The following STK32A variants were observed in gnomAD, a reference collection of about 807,000 sequenced individuals.
STK32A encodes the protein serine/threonine-protein kinase 32A.
Under a neutral mutation model 53.2 loss-of-function variants are expected in STK32A, and 41 were observed. The ratio of observed to expected loss-of-function variants is 0.77; its 90% CI spans 0.60 to 1.00. The LOEUF (loss-of-function observed/expected upper bound fraction) is 1.00. STK32A is among the 50% of genes least tolerant of loss of function. The pLI is 0.00. For synonymous variants in STK32A, 166 were observed against 162.8 expected (o/e 1.02, Z -0.15); for missense variants, 458 against 485.8 (o/e 0.94, Z 0.54).
At chr5:147,316,955 C>A (rs6866270) in intron 4 of STK32A, among the ~76,000 whole-genome samples, 1,631 of 150,016 alleles carry the variant, frequency 0.011, 32 homozygotes, top group African/African-American at 0.036. Flanking sequence ...AAGCAAGTTT[C>A]TCTGTATAAA....
rs1261511426 is a variant in STK32A, at chr5:147,383,391, C to T, written c.1033-50C>T. 8 of 1,477,796 alleles carry T rather than the reference C, an allele frequency of 5.4e-6. No individual in the cohort carries two copies. The South Asian group carries it at 9.7e-5, about 18-fold the overall frequency. 91.5% of individuals were successfully genotyped at this position (1,477,796 alleles called of 1,614,324 possible). A position where few individuals can be genotyped will look rare whatever the true frequency, so the allele number is the denominator to read the frequency against. ...AGGTTATTGGCTGTTTGAAGATTCTCATTTGTCTGCTAACTATACCTCTAT... is the reference window on the plus strand; with the variant it reads ...AGGTTATTGGCTGTTTGAAGATTCTTATTTGTCTGCTAACTATACCTCTAT... On this transcript the variant is annotated intron_variant, in intron 11 of 12. Coordinates refer to ENST00000397936, the MANE Select transcript of STK32A (RefSeq NM_001112724.2).
chr5:147,251,239 A>T (rs1452245773), intron 2 of STK32A, among the ~76,000 whole-genome samples: 1 of 152,166 alleles, frequency 6.6e-6, no homozygotes, highest in Non-Finnish European at 1.5e-5. Flanking sequence ...CTGTCTCCAA[A>T]TTCTAACTGT....
intron 8 of STK32A, among the ~76,000 whole-genome samples, chr5:147,363,592 A>G (rs1756611987): frequency 6.6e-6 from 1 of 152,198 alleles, no homozygotes; most frequent in African/African-American, 2.4e-5. Context: ...GAAGGATAGC[A>G]CATGTTCACA....
chr5:147,334,526 A>G (rs1453964720), intron 5 of STK32A, among the ~76,000 whole-genome samples: 2 of 152,208 alleles, frequency 1.3e-5, no homozygotes, highest in African/African-American at 2.4e-5. Context: ...ATAATCATGA[A>G]TAACAGTGGA....
chr5:147,321,275 AT>A (rs1406109388), intron 4 of STK32A, among the ~76,000 whole-genome samples: 1 of 152,246 alleles, frequency 6.6e-6, no homozygotes, highest in Non-Finnish European at 1.5e-5. Context: ...TTACTCACTC[AT>A]TTTAAAAAAT....
At chr5:147,351,779 G>A (rs982083050) in intron 7 of STK32A, among the ~76,000 whole-genome samples, 22 of 152,086 alleles carry the variant, frequency 1.4e-4, no homozygotes, top group African/African-American at 5.1e-4. Flanking sequence ...TCTGGGAGGC[G>A]GAGGTTGCAG....
the STK32A span, chr5:147,401,703 G>A: frequency 1.2e-6 from 2 of 1,613,982 alleles, no homozygotes; most frequent in South Asian, 1.1e-5. Context: ...TTTCCTAGAA[G>A]GGGCAGGAAA....
chr5:147,360,044 G>A (rs1459997604), intron 7 of STK32A, among the ~76,000 whole-genome samples: 1 of 152,128 alleles, frequency 6.6e-6, no homozygotes, highest in Non-Finnish European at 1.5e-5. Context: ...CAATTATTAT[G>A]AATGTTTGCC....
At chr5:147,287,094 T>C (rs1034575317) in intron 4 of STK32A, among the ~76,000 whole-genome samples, 11 of 152,218 alleles carry the variant, frequency 7.2e-5, no homozygotes, top group Non-Finnish European at 1.6e-4. Flanking sequence ...TGTCAACAAA[T>C]AGCTTTTGCA....
At position 147,378,840 on chromosome 5, in the gene STK32A, C is replaced by CTTTT. The variant is rs71001434; in HGVS notation, c.1032+3660_1032+3663dup. 3.2e-3 allele frequency among the ~76,000 whole-genome samples: 90 copies of CTTTT among 28,108 alleles called. 30 individuals are homozygous for CTTTT. Among genetic ancestry groups the CTTTT allele is most frequent in the Non-Finnish European group, 5.4e-3 (73 of 13,494 alleles). The allele number at this position is 28,108 out of a possible 152,430, so 18.4% of individuals were successfully genotyped here. A position where few individuals can be genotyped will look rare whatever the true frequency, so the allele number is the denominator to read the frequency against. On this transcript the variant is annotated intron_variant, in intron 11 of 12. Transcript: ENST00000397936. ...GTAGTAGTGTAATAATGCCTCCAGT[C>CTTTT]TTTTTTTTTTTTTTTTTTTTTTTTT...
At chr5:147,316,908 T>C (rs1754023301) in intron 4 of STK32A, among the ~76,000 whole-genome samples, 1 of 145,982 alleles carries the variant, frequency 6.9e-6, no homozygotes, top group Admixed American at 6.8e-5. Flanking sequence ...ACCTTTCCTA[T>C]ATGAACTGTG....
At chr5:147,360,716 A>T (rs992314466) in intron 7 of STK32A, among the ~76,000 whole-genome samples, 6 of 152,202 alleles carry the variant, frequency 3.9e-5, no homozygotes, top group African/African-American at 1.4e-4. Flanking sequence ...CAGATTCTGT[A>T]TTAGACAGTA....
intron 4 of STK32A, among the ~76,000 whole-genome samples, chr5:147,286,087 T>C (rs1340584431): frequency 3.9e-5 from 6 of 152,138 alleles, no homozygotes; most frequent in Admixed American, 3.9e-4. Context: ...TGGAATACTA[T>C]GCAGCCATAA....
intron 4 of STK32A, among the ~76,000 whole-genome samples, chr5:147,321,245 G>A (rs1203220685): frequency 6.6e-6 from 1 of 152,202 alleles, no homozygotes; most frequent in African/African-American, 2.4e-5. Flanking sequence ...GTGATGAATG[G>A]TTGAGGTACA....
chr5:147,318,577 C>T (rs1426715070), intron 4 of STK32A, among the ~76,000 whole-genome samples: 1 of 144,082 alleles, frequency 6.9e-6, no homozygotes, highest in East Asian at 2.0e-4. Flanking sequence ...CCAGCGTGGA[C>T]AACATAGTGA....
chr5:147,237,842 A>G (rs31039), intron 1 of STK32A, among the ~76,000 whole-genome samples: 23,740 of 152,188 alleles, frequency 0.16, 2,121 homozygotes, highest in East Asian at 0.32. Flanking sequence ...TTTCTTCTAC[A>G]CTTCCTTAGG....
chr5:147,372,395 C>T lies in STK32A; in HGVS notation c.778-774C>T, dbSNP rs552370129. Among the ~76,000 whole-genome samples the T allele has an allele frequency of 3.5e-5, 5 of 142,662 alleles. No individual in the cohort carries two copies. The East Asian group carries it at 1.1e-3, about 31-fold the overall frequency. 93.6% of individuals were successfully genotyped at this position (142,662 alleles called of 152,430 possible). Reference sequence around the variant, plus strand: ...GTCTCTTGTTTTTGGAGTCAAGTTCCTTATTTTGGAATAGGGACATTGCAT... The same window carrying T: ...GTCTCTTGTTTTTGGAGTCAAGTTCTTTATTTTGGAATAGGGACATTGCAT... On this transcript the variant is annotated intron_variant, in intron 9 of 12. Coordinates refer to ENST00000397936, the MANE Select transcript of STK32A (RefSeq NM_001112724.2).
chr5:147,267,463 T>C (rs75062996), intron 2 of STK32A, among the ~76,000 whole-genome samples: 1 of 152,180 alleles, frequency 6.6e-6, no homozygotes, highest in African/African-American at 2.4e-5. Context: ...TGGGTTTATG[T>C]AACATATCTA....
chr5:147,291,876 T>C (rs956930999), intron 4 of STK32A, among the ~76,000 whole-genome samples: 2 of 152,212 alleles, frequency 1.3e-5, no homozygotes, highest in Non-Finnish European at 2.9e-5. Flanking sequence ...TTTGGCCTAA[T>C]TATTTGCATT....
Sources: gnomAD v4.1 joint callset for allele counts (sites outside exome capture counted in the v4.1 genomes callset) on GRCh38, gnomAD v4.1.1 for gene constraint, MANE v1.5 for transcripts, NCBI Gene and HGNC (gene_info 2026-07-23, HGNC 2026-07-21) for gene names.